TRPM1: variants seen among roughly 807,000 people sequenced by gnomAD.
TRPM1 encodes transient receptor potential cation channel subfamily M member 1.
Under a neutral mutation model 149.4 loss-of-function variants are expected in TRPM1, and 113 were observed. The observed-to-expected ratio is 0.76, with a 90% CI of 0.65 to 0.88. The LOEUF (loss-of-function observed/expected upper bound fraction) is 0.88, where lower values mean the gene tolerates loss of function less well. Among genes scored for constraint, TRPM1 ranks in the 40% least tolerant of loss-of-function variants. The pLI, the probability that TRPM1 is intolerant of heterozygous loss-of-function variation, is 0.00. For missense variants in TRPM1, 1,976 were observed against 2,038.7 expected, an observed-to-expected ratio of 0.97 and a Z score of 0.59; for synonymous variants, 741 against 759.5, an observed-to-expected ratio of 0.98 and a Z score of 0.40.
chr15:31,087,520 C>G (rs914519680), intron 1 of TRPM1, among the ~76,000 whole-genome samples: 1 of 151,982 alleles, frequency 6.6e-6, no homozygotes, highest in Admixed American at 6.6e-5. Context: ...TCCCAAAGTG[C>G]TGGGATTGCA....
rs564887416 is a variant in TRPM1 at position 31,145,045 on chromosome 15, G to A, written c.54+15861C>T. ...CCTTGTTTTTGAGTTTTTATTATCT[G>A]TCTGTAGACTGGACTAGATTCTAAC... On this transcript the variant is annotated intron_variant, in intron 1 of 26. Coordinates refer to the TRPM1 transcript ENST00000542188. Among the ~76,000 whole-genome samples the A allele has an allele frequency of 2.6e-5, 4 of 152,186 alleles. No individual in the cohort carries two copies. In the South Asian group the frequency reaches 8.3e-4, roughly 32 times the overall value.
intron 1 of TRPM1, among the ~76,000 whole-genome samples, chr15:31,156,093 A>G (rs1457499513): frequency 6.9e-6 from 1 of 144,360 alleles, no homozygotes; most frequent in African/African-American, 2.5e-5. Context: ...GCTACTCTGG[A>G]GGCTGAGGCA....
chr15:31,063,089 C>T (rs761836657), intron 8 of TRPM1, 29 bp downstream of exon 8: 25 of 1,613,672 alleles, frequency 1.5e-5, no homozygotes, highest in African/African-American at 2.7e-5. Flanking sequence ...GTTACGAACC[C>T]GCCCTTCCTC....
chr15:31,104,615 A>G (rs1453596230), upstream of TRPM1, among the ~76,000 whole-genome samples: 1 of 97,448 alleles, frequency 1.0e-5, no homozygotes, highest in East Asian at 3.1e-4. Flanking sequence ...TTTTTTTGAG[A>G]CGGAGTCTTG....
intron 1 of TRPM1, among the ~76,000 whole-genome samples, chr15:31,131,626 G>A (rs1486608851): frequency 6.6e-6 from 1 of 152,200 alleles, no homozygotes; most frequent in African/African-American, 2.4e-5. Context: ...GGCATCCCCT[G>A]TGGATGAAGG....
chr15:31,002,993 T>G lies in TRPM1; in HGVS notation c.3707A>C (p.Asp1236Ala). 1 of 1,594,374 alleles carries G rather than the reference T, an allele frequency of 6.3e-7. No homozygotes were observed. The highest frequency in any genetic ancestry group is 8.5e-7 in the Non-Finnish European group (1 of 1,173,572). Residue 1236 changes from aspartate (D) to alanine (A), a missense_variant, in exon 28 of 28, where the codon GAC becomes GCC. Transcript: ENST00000256552. ...TFMKTSLQTVDLRLAQLEELS... is the reference protein window; with the variant it reads ...TFMKTSLQTVALRLAQLEELS... ...TTCTTCTAGCTGAGCAAGTCGAAGGTCAACAGTCTGCAGGGAAGTTTTCAT... is the reference window on the plus strand; with the variant it reads ...TTCTTCTAGCTGAGCAAGTCGAAGGGCAACAGTCTGCAGGGAAGTTTTCAT...
At chr15:31,063,022 G>T (rs1326375165) in intron 8 of TRPM1, 96 bp downstream of exon 8, 1 of 1,507,250 alleles carries the variant, frequency 6.6e-7, no homozygotes, top group Non-Finnish European at 9.1e-7. Flanking sequence ...ATTTAAACAC[G>T]TTTGGAATGT....
chr15:31,088,365 C>T (rs991743729), intron 1 of TRPM1, among the ~76,000 whole-genome samples: 23 of 152,158 alleles, frequency 1.5e-4, no homozygotes, highest in Non-Finnish European at 2.9e-4. Flanking sequence ...TCTTTTTGTT[C>T]TTTCTCCCTT....
intron 1 of TRPM1, among the ~76,000 whole-genome samples, chr15:31,096,908 G>A (rs1054851414): frequency 6.6e-6 from 1 of 152,232 alleles, no homozygotes; most frequent in African/African-American, 2.4e-5. Context: ...GGGGCCACCA[G>A]GGTGGGGAAA....
At chr15:31,056,409 A>G (rs11070765) in intron 11 of TRPM1, among the ~76,000 whole-genome samples, 58,744 of 152,108 alleles carry the variant, frequency 0.39, 13,510 homozygotes, top group East Asian at 0.83. Flanking sequence ...CTTGAAATAG[A>G]AGATACATCC....
At chr15:31,123,207 T>G (rs1596086365) in intron 1 of TRPM1, among the ~76,000 whole-genome samples, 1 of 152,156 alleles carries the variant, frequency 6.6e-6, no homozygotes, top group East Asian at 1.9e-4. Flanking sequence ...CAGGCCTAAA[T>G]GTAAAACATA....
intron 11 of TRPM1, among the ~76,000 whole-genome samples, chr15:31,057,481 C>T (rs1484342900): frequency 6.6e-6 from 1 of 152,030 alleles, no homozygotes; most frequent in African/African-American, 2.4e-5. Flanking sequence ...ACAACAAACC[C>T]CCATGACACA....
chr15:31,106,336 A>G (rs1357669527), upstream of TRPM1, among the ~76,000 whole-genome samples: 2 of 151,566 alleles, frequency 1.3e-5, no homozygotes. Context: ...CAGTTTCACC[A>G]TGTTGGTCAG....
At chr15:31,035,162 A>T (rs2033298127) in intron 21 of TRPM1, among the ~76,000 whole-genome samples, 1 of 152,118 alleles carries the variant, frequency 6.6e-6, no homozygotes, top group Non-Finnish European at 1.5e-5. Flanking sequence ...CTGCCACACG[A>T]CCGGCTAATT....
At position 31,049,502 on chromosome 15, in the gene TRPM1, G is replaced by C; in HGVS notation, c.1445C>G (p.Ala482Gly). The C allele has an allele frequency of 6.2e-7, 1 of 1,613,858 alleles. No homozygotes were observed. Residue 482 changes from alanine to glycine, a missense_variant, in exon 13 of 28, where the codon GCT (alanine) becomes GGT (glycine). Ala to Gly is a moderately conservative substitution (Grantham distance 60). This residue lies in a region of TRPM1 where 1,332 missense variants were observed against 1,347.1 expected (regional missense o/e 0.99). Transcript: ENST00000256552. ...AGCATCTAGCATCGCTTGCTCCAAA[G>C]CATTCACCTGCAGGGACCAAGGGCC... The part of the protein sequence containing the change: ...RKIELLNWVN[A>G]LEQAMLDALV...
At chr15:31,042,789 G>A (rs1175013910) in intron 16 of TRPM1, among the ~76,000 whole-genome samples, 1 of 152,182 alleles carries the variant, frequency 6.6e-6, no homozygotes, top group Admixed American at 6.5e-5. Flanking sequence ...CCCATATGGT[G>A]CAAAAAGGAA....
chr15:31,062,641 T>C lies in TRPM1; in HGVS notation c.1027A>G (p.Asn343Asp), dbSNP rs769075827. 4 of 1,614,136 alleles carry C rather than the reference T, an allele frequency of 2.5e-6. No homozygotes were observed. In the Admixed American group the frequency reaches 5.0e-5, roughly 20 times the overall value. The stretch of plus-strand genomic sequence containing the variant: ...AACAGCTGATGTGATTGTGCCTTAT[T>C]ATAATTAAATGTTTTCTGAATGGTA... Reference protein sequence around the residue: ...LVTIQKTFNYNKAQSHQLFAI... With the variant: ...LVTIQKTFNYDKAQSHQLFAI... Residue 343 changes from asparagine (N) to aspartate (D), a missense_variant, in exon 9 of 28, where the codon AAT (asparagine) becomes GAT (aspartate). Coordinates refer to ENST00000256552, the MANE Select transcript of TRPM1 (RefSeq NM_001252024.2).
intron 11 of TRPM1, among the ~76,000 whole-genome samples, chr15:31,051,295 C>G (rs1043623791): frequency 5.3e-5 from 8 of 152,198 alleles, no homozygotes; most frequent in Non-Finnish European, 1.2e-4. Context: ...ACCGGACCCT[C>G]CAGCTGGCGT....
chr15:31,103,855 A>G (rs1365439409), upstream of TRPM1, among the ~76,000 whole-genome samples: 1 of 151,920 alleles, frequency 6.6e-6, no homozygotes, highest in Non-Finnish European at 1.5e-5. Flanking sequence ...AAGAAAAAAA[A>G]AAGAAAATTT....
Sources: gnomAD v4.1 joint callset for allele counts (sites outside exome capture counted in the v4.1 genomes callset) on GRCh38, gnomAD v4.1.1 for gene constraint, gnomAD v4.1.1 regional missense constraint, MANE v1.5 for transcripts, NCBI Gene and HGNC (gene_info 2026-07-23, HGNC 2026-07-21) for gene names.